The following CRY1 variants were observed in gnomAD, a reference collection of about 807,000 sequenced individuals.
CRY1 encodes cryptochrome-1.
Under a neutral mutation model 76.0 loss-of-function variants are expected in CRY1, and 45 were observed. The ratio of observed to expected loss-of-function variants is 0.59; its 90% CI spans 0.47 to 0.76. CRY1 has a LOEUF of 0.76. Among genes scored for constraint, CRY1 ranks in the 30% least tolerant of loss-of-function variants. The pLI is 0.00. For missense variants in CRY1, 587 were observed against 716.4 expected (o/e 0.82, Z 2.06); for synonymous variants, 248 against 244.0 (o/e 1.02, Z -0.15).
chr12:107,012,073 C>CA (rs998950446), intron 2 of CRY1, among the ~76,000 whole-genome samples: 4 of 152,144 alleles, frequency 2.6e-5, no homozygotes, highest in African/African-American at 9.7e-5. Context: ...GCCTGCAGTC[C>CA]AAGCTACTCA....
At chr12:107,032,433 T>C (rs969751239) in intron 1 of CRY1, among the ~76,000 whole-genome samples, 3 of 152,058 alleles carry the variant, frequency 2.0e-5, no homozygotes, top group African/African-American at 7.2e-5. Context: ...GGAAACTATG[T>C]GGTCCCAAAC....
intron 1 of CRY1, among the ~76,000 whole-genome samples, chr12:107,055,895 T>A (rs1254759372): frequency 6.6e-6 from 1 of 151,678 alleles, no homozygotes; most frequent in Non-Finnish European, 1.5e-5. Flanking sequence ...CAAACAAGAA[T>A]AAAGCTAAAT....
chr12:106,998,870 C>T (rs568201786), intron 7 of CRY1, among the ~76,000 whole-genome samples: 1 of 151,990 alleles, frequency 6.6e-6, no homozygotes, highest in Admixed American at 6.6e-5. Context: ...TGGTAAAACC[C>T]TCTCTCTACT....
At chr12:107,049,501 AG>A (rs1952891880) in intron 1 of CRY1, among the ~76,000 whole-genome samples, 1 of 152,022 alleles carries the variant, frequency 6.6e-6, no homozygotes, top group Non-Finnish European at 1.5e-5. Flanking sequence ...CAGCCTCCTG[AG>A]TAGCTGGGAC....
intron 4 of CRY1, 148 bp from the exon 5 acceptor site, chr12:107,001,516 G>A (rs1952311118): frequency 2.8e-6 from 2 of 715,038 alleles, no homozygotes; most frequent in Non-Finnish European, 4.6e-6. Flanking sequence ...CACCTATAGA[G>A]GATATGACAT....
intron 1 of CRY1, among the ~76,000 whole-genome samples, chr12:107,068,222 T>G (rs1471727771): frequency 2.0e-5 from 3 of 152,178 alleles, no homozygotes; most frequent in Admixed American, 6.5e-5. Flanking sequence ...CATTAAAAGT[T>G]TGCCAATCTC....
intron 1 of CRY1, among the ~76,000 whole-genome samples, chr12:107,085,833 A>G (rs1376579232): frequency 6.6e-6 from 1 of 152,188 alleles, no homozygotes; most frequent in Non-Finnish European, 1.5e-5. Flanking sequence ...TATTAAAAAA[A>G]AAGCAAAAAC....
intron 1 of CRY1, among the ~76,000 whole-genome samples, chr12:107,059,676 A>C (rs1038577422): frequency 2.0e-5 from 3 of 151,868 alleles, no homozygotes; most frequent in Admixed American, 1.3e-4. Context: ...CAACCAGTAG[A>C]TGATGTATAC....
intron 1 of CRY1, among the ~76,000 whole-genome samples, chr12:107,050,582 G>A (rs1180270393): frequency 6.6e-6 from 1 of 152,064 alleles, no homozygotes; most frequent in African/African-American, 2.4e-5. Flanking sequence ...GTTTCCTGAG[G>A]CCCTCAACAG....
rs1274317020 is a variant in CRY1 at position 106,991,920 on chromosome 12, A to G, written c.*82T>C. ...ATATGTAACTGCTTTCCATCAATGA[A>G]GAATATTTTTAAATAACTTAATTGA... On this transcript the variant is annotated 3_prime_UTR_variant, in exon 13 of 13. Coordinates refer to ENST00000008527, the MANE Select transcript of CRY1 (RefSeq NM_004075.5). 1 of 152,626 alleles carries G rather than the reference A, an allele frequency of 6.6e-6. No homozygotes were observed. Among genetic ancestry groups the G allele is most frequent in the Non-Finnish European group, 1.5e-5 (1 of 68,016 alleles). 9.5% of individuals were successfully genotyped at this position (152,626 alleles called of 1,614,324 possible).
At chr12:107,024,305 G>A (rs370071801) in intron 1 of CRY1, among the ~76,000 whole-genome samples, 4 of 151,948 alleles carry the variant, frequency 2.6e-5, no homozygotes, top group African/African-American at 9.7e-5. Flanking sequence ...CAAACCAAAA[G>A]GACATGATTA....
chr12:107,072,560 G>A (rs190745609), intron 1 of CRY1, among the ~76,000 whole-genome samples: 2 of 152,254 alleles, frequency 1.3e-5, no homozygotes, highest in Admixed American at 1.3e-4. Context: ...ACTGTTGGGG[G>A]CATAAAAAGG....
chr12:107,042,698 G>T (rs1177077984), intron 1 of CRY1, among the ~76,000 whole-genome samples: 1 of 152,116 alleles, frequency 6.6e-6, no homozygotes, highest in Non-Finnish European at 1.5e-5. Context: ...GAAGAAAATA[G>T]CTAAGGGAGA....
chr12:107,047,089 A>G (rs981440746), intron 1 of CRY1, among the ~76,000 whole-genome samples: 1 of 152,242 alleles, frequency 6.6e-6, no homozygotes, highest in Non-Finnish European at 1.5e-5. Flanking sequence ...TTTCATTGGC[A>G]TATGAAACGT....
Position 106,999,620 on chromosome 12 carries a change from T to C in CRY1, c.1068A>G (p.Leu356=). ...GGAAGCAAGCAACTGCATGCCTGGCTAGATGATGAATCCAACCCTCCTGAC... is the reference window on the plus strand; with the variant it reads ...GGAAGCAAGCAACTGCATGCCTGGCCAGATGATGAATCCAACCCTCCTGAC... The part of the protein sequence containing the change: ...QLRQEGWIHH[L]ARHAVACFLT... The change falls in exon 7 of 13, where the codon CTA becomes CTG. Residue 356 remains leucine (L), a synonymous_variant. Transcript: ENST00000008527. 6.2e-7 allele frequency: 1 copy of C among 1,614,236 alleles called. No individual in the cohort carries two copies. The highest frequency in any genetic ancestry group is 1.1e-5 in the South Asian group (1 of 91,088).
intron 1 of CRY1, among the ~76,000 whole-genome samples, chr12:107,079,051 A>G (rs1455133813): frequency 6.6e-6 from 1 of 152,142 alleles, no homozygotes; most frequent in East Asian, 1.9e-4. Flanking sequence ...TCCCCAAACA[A>G]GGGCAGCTTT....
intron 1 of CRY1, among the ~76,000 whole-genome samples, chr12:107,039,975 A>C (rs1009135154): frequency 3.3e-5 from 5 of 152,254 alleles, no homozygotes; most frequent in Non-Finnish European, 7.3e-5. Context: ...GCATACATAC[A>C]CACAAATATA....
rs140286700 is a variant in CRY1 at position 107,031,801 on chromosome 12, T to C, written c.159-9609A>G. The stretch of plus-strand genomic sequence containing the variant: ...TAAAAATAGAGAAAGCCTAAGAAAC[T>C]GTTACAGAGGAGACAAAGGAGACGT... On this transcript the variant is annotated intron_variant, in intron 1 of 12. Coordinates refer to ENST00000008527, the MANE Select transcript of CRY1 (RefSeq NM_004075.5). 6.2e-4 allele frequency among the ~76,000 whole-genome samples: 94 copies of C among 152,220 alleles called. 1 individual carries two copies. The highest frequency in any genetic ancestry group is 2.1e-3 in the African/African-American group (86 of 41,556).
intron 1 of CRY1, among the ~76,000 whole-genome samples, chr12:107,078,428 A>G (rs10778526): frequency 6.6e-6 from 1 of 151,844 alleles, no homozygotes; most frequent in African/African-American, 2.4e-5. Context: ...CAGTTTCCAT[A>G]ATATGGCACT....
Sources: allele counts gnomAD v4.1 joint callset (sites outside exome capture counted in the v4.1 genomes callset), GRCh38; gene constraint gnomAD v4.1.1; transcripts MANE v1.5; gene names NCBI Gene and HGNC (gene_info 2026-07-23, HGNC 2026-07-21).